Variants in PLPP1 observed in about 807,000 individuals in gnomAD.
The protein encoded by PLPP1 is lipid phosphate phosphohydrolase 1a.
PLPP1 carries 24 observed loss-of-function variants against 31.2 expected under a neutral mutation model. The observed-to-expected ratio is 0.77, with a 90% CI of 0.56 to 1.08. The LOEUF is 1.08. Ranked by LOEUF, PLPP1 falls within the 50% of genes least tolerant of loss-of-function variation. PLPP1 has a pLI of 0.00. For missense variants in PLPP1, 319 were observed against 342.7 expected (o/e 0.93, Z 0.55); for synonymous variants, 146 against 126.3 (o/e 1.16, Z -1.05).
chr5:55,471,373 TG>T (rs1422855626), intron 2 of PLPP1, among the ~76,000 whole-genome samples: 3 of 152,112 alleles, frequency 2.0e-5, no homozygotes, highest in Admixed American at 2.0e-4. Context: ...AGCTAAATTT[TG>T]TATTTTTAGT....
At chr5:55,496,198 A>T (rs749093407) in intron 1 of PLPP1, among the ~76,000 whole-genome samples, 1 of 150,738 alleles carries the variant, frequency 6.6e-6, no homozygotes, top group Non-Finnish European at 1.5e-5. Context: ...TAGTGATGAG[A>T]GTTCTGTGTT....
chr5:55,447,999 G>T (rs183601662), intron 3 of PLPP1, among the ~76,000 whole-genome samples: 1 of 152,250 alleles, frequency 6.6e-6, no homozygotes, highest in Admixed American at 6.5e-5. Context: ...TTAACCTGAA[G>T]TATAGCATAA....
At chr5:55,521,949 C>A (rs1753679040) in intron 1 of PLPP1, among the ~76,000 whole-genome samples, 1 of 152,216 alleles carries the variant, frequency 6.6e-6, no homozygotes, top group South Asian at 2.1e-4. Context: ...GCAAACCCAT[C>A]TCTCCTACTA....
chr5:55,509,306 T>C (rs897517767), intron 1 of PLPP1, among the ~76,000 whole-genome samples: 2 of 152,200 alleles, frequency 1.3e-5, no homozygotes, highest in African/African-American at 4.8e-5. Context: ...GTATCAGTGA[T>C]AGCACTGTAC....
intron 1 of PLPP1, among the ~76,000 whole-genome samples, chr5:55,518,613 C>G (rs920627602): frequency 1.3e-5 from 2 of 152,112 alleles, no homozygotes. Flanking sequence ...CTTCAGTCTT[C>G]AACTTTTTCC....
intron 1 of PLPP1, among the ~76,000 whole-genome samples, chr5:55,490,275 C>T (rs1379696918): frequency 4.0e-5 from 6 of 151,456 alleles, no homozygotes; most frequent in Admixed American, 6.6e-5. Flanking sequence ...CTCGGCCTCC[C>T]GAGTAGCTGG....
chr5:55,524,755 A>G (rs547798048), intron 1 of PLPP1, among the ~76,000 whole-genome samples: 1 of 152,310 alleles, frequency 6.6e-6, no homozygotes, highest in East Asian at 1.9e-4. Flanking sequence ...GGTTGCAGTG[A>G]GCCAAGATCA....
At chr5:55,443,311 T>C (rs992173779) in intron 3 of PLPP1, among the ~76,000 whole-genome samples, 66 of 150,316 alleles carry the variant, frequency 4.4e-4, no homozygotes, top group African/African-American at 1.6e-3. Flanking sequence ...ATTCTGTAAA[T>C]TCCTGTGCCA....
intron 1 of PLPP1, among the ~76,000 whole-genome samples, chr5:55,524,877 C>T (rs1753748195): frequency 6.6e-6 from 1 of 152,110 alleles, no homozygotes; most frequent in African/African-American, 2.4e-5. Context: ...ATTCCCAAGA[C>T]CTCAGCAATA....
At chr5:55,492,075 A>G (rs1185275111) in intron 1 of PLPP1, among the ~76,000 whole-genome samples, 1 of 152,170 alleles carries the variant, frequency 6.6e-6, no homozygotes, top group African/African-American at 2.4e-5. Flanking sequence ...CACCTAAATA[A>G]AATGACCCTG....
At chr5:55,464,798 T>A (rs575250031) in intron 3 of PLPP1, among the ~76,000 whole-genome samples, 1 of 152,282 alleles carries the variant, frequency 6.6e-6, no homozygotes, top group Admixed American at 6.5e-5. Context: ...GACCCTCCGG[T>A]TGCAGATGGG....
chr5:55,458,915 A>AC (rs1352471024), intron 3 of PLPP1, among the ~76,000 whole-genome samples: 9 of 149,064 alleles, frequency 6.0e-5, no homozygotes, highest in East Asian at 3.9e-4. Context: ...AAAAAAAAAA[A>AC]ACACATAGCA....
chr5:55,466,995 CT>C (rs1431104923), intron 3 of PLPP1, among the ~76,000 whole-genome samples: 1 of 152,072 alleles, frequency 6.6e-6, no homozygotes, highest in African/African-American at 2.4e-5. Flanking sequence ...TTTTCCTCAT[CT>C]ATCAATTTAA....
intron 1 of PLPP1, among the ~76,000 whole-genome samples, chr5:55,532,882 G>A (rs1287852351): frequency 2.0e-5 from 3 of 151,744 alleles, no homozygotes; most frequent in Admixed American, 6.6e-5. Flanking sequence ...CTTGAACCCG[G>A]GAAGCGGAGG....
At chr5:55,505,244 A>T (rs1040268326) in intron 1 of PLPP1, among the ~76,000 whole-genome samples, 5 of 152,100 alleles carry the variant, frequency 3.3e-5, no homozygotes, top group Non-Finnish European at 1.5e-5. Flanking sequence ...AACTAAAGTC[A>T]CTTTTAGTAT....
chr5:55,434,609 A>T (rs2115323), intron 4 of PLPP1, among the ~76,000 whole-genome samples: 130,746 of 152,084 alleles, frequency 0.86, 56,597 homozygotes, highest in South Asian at 0.92. Flanking sequence ...CAGAATAGAT[A>T]CCAGAAATAA....
intron 2 of PLPP1, among the ~76,000 whole-genome samples, chr5:55,470,770 G>A (rs1355735617): frequency 1.3e-5 from 2 of 152,096 alleles, no homozygotes; most frequent in Non-Finnish European, 2.9e-5. Context: ...AACCTTTCAT[G>A]AAGTTTACAC....
chr5:55,434,037 G>A (rs1751432957), intron 4 of PLPP1, among the ~76,000 whole-genome samples: 1 of 151,408 alleles, frequency 6.6e-6, no homozygotes, highest in East Asian at 2.0e-4. Context: ...GCTGAGGAGG[G>A]AGAATCGCTT....
chr5:55,497,172 A>G (rs1282326898), intron 1 of PLPP1, among the ~76,000 whole-genome samples: 1 of 152,172 alleles, frequency 6.6e-6, no homozygotes, highest in Non-Finnish European at 1.5e-5. Context: ...CCACTGCCAT[A>G]ATATGGCAGC....
Sources: gnomAD v4.1 joint callset for allele counts (sites outside exome capture counted in the v4.1 genomes callset) on GRCh38, gnomAD v4.1.1 for gene constraint, MANE v1.5 for transcripts, NCBI Gene and HGNC (gene_info 2026-07-23, HGNC 2026-07-21) for gene names.